ZNF697: variants seen among roughly 807,000 people sequenced by gnomAD.
ZNF697 encodes zinc finger protein 697.
A neutral mutation model predicts 32.4 loss-of-function variants in ZNF697; 23 were observed. That is an observed-to-expected ratio of 0.71 (90% CI 0.51 to 1.01). The LOEUF is 1.01. Ranked by LOEUF, ZNF697 falls within the 50% of genes least tolerant of loss-of-function variation. The pLI, the probability that ZNF697 is intolerant of heterozygous loss-of-function variation, is 0.00. For synonymous variants in ZNF697, 418 were observed against 337.2 expected (o/e 1.24, Z -2.62); for missense variants, 930 against 794.0 (o/e 1.17, Z -2.06).
intron 1 of ZNF697, among the ~76,000 whole-genome samples, chr1:119,636,137 T>A (rs908068613): frequency 1.3e-5 from 2 of 152,148 alleles, no homozygotes; most frequent in Non-Finnish European, 2.9e-5. Context: ...CTGGGTTCCT[T>A]ACCTTTAGTT....
intron 1 of ZNF697, among the ~76,000 whole-genome samples, chr1:119,639,161 A>G (rs1412918414): frequency 2.6e-5 from 4 of 152,204 alleles, no homozygotes; most frequent in Non-Finnish European, 5.9e-5. Context: ...GTTCTTACTC[A>G]GAAGCTCAAA....
intron 1 of ZNF697, among the ~76,000 whole-genome samples, chr1:119,638,563 CT>C: frequency 6.6e-6 from 1 of 152,204 alleles, no homozygotes; most frequent in Non-Finnish European, 1.5e-5. Flanking sequence ...CCTCCTCATA[CT>C]TCACTGACCA....
At chr1:119,634,249 G>C (rs1648860999) in intron 1 of ZNF697, among the ~76,000 whole-genome samples, 1 of 152,198 alleles carries the variant, frequency 6.6e-6, no homozygotes, top group South Asian at 2.1e-4. Context: ...CAAAGGACTT[G>C]AGGCACACAT....
At chr1:119,625,708 T>C (rs1341727743) in intron 2 of ZNF697, among the ~76,000 whole-genome samples, 167 bp downstream of exon 2, 1 of 152,172 alleles carries the variant, frequency 6.6e-6, no homozygotes, top group African/African-American at 2.4e-5. Context: ...AAAAAAAGGA[T>C]GGTCTTCAGG....
chr1:119,635,633 G>A (rs1205599363), intron 1 of ZNF697, among the ~76,000 whole-genome samples: 1 of 152,182 alleles, frequency 6.6e-6, no homozygotes, highest in Non-Finnish European at 1.5e-5. Context: ...GAAAGGATGT[G>A]AGTGTCCAGT....
chr1:119,640,705 A>G (rs1035815295), intron 1 of ZNF697, among the ~76,000 whole-genome samples: 2 of 152,218 alleles, frequency 1.3e-5, no homozygotes, highest in African/African-American at 4.8e-5. Flanking sequence ...CCCAAGGAAA[A>G]TTGGGACTAG....
rs587603793 is a variant in ZNF697 at position 119,622,439 on chromosome 1, A to G, written c.*266T>C. 1.6e-5 allele frequency: 8 copies of G among 505,840 alleles called. No individual in the cohort carries two copies. Among genetic ancestry groups the G allele is most frequent in the Non-Finnish European group, 1.9e-5 (6 of 317,086 alleles). The allele number at this position is 505,840 out of a possible 1,614,324, so 31.3% of individuals were successfully genotyped here. A position where few individuals can be genotyped will look rare whatever the true frequency, so the allele number is the denominator to read the frequency against. On this transcript the variant is annotated 3_prime_UTR_variant, in exon 3 of 3. Transcript: ENST00000421812. ...AAGTGCCTGGTCCTCCAAGCTCTTCACCCCCTACAGCGTGTATTTAAGGAA... is the reference window on the plus strand; with the variant it reads ...AAGTGCCTGGTCCTCCAAGCTCTTCGCCCCCTACAGCGTGTATTTAAGGAA...
chr1:119,644,001 T>C (rs1649143772), intron 1 of ZNF697, among the ~76,000 whole-genome samples: 1 of 152,256 alleles, frequency 6.6e-6, no homozygotes, highest in Non-Finnish European at 1.5e-5. Flanking sequence ...ATTTTAGTCA[T>C]TACCAATTCA....
chr1:119,637,388 G>C (rs761968254), intron 1 of ZNF697, among the ~76,000 whole-genome samples: 1 of 152,186 alleles, frequency 6.6e-6, no homozygotes, highest in African/African-American at 2.4e-5. Context: ...ATGTGGGCCC[G>C]GTGGCAGGGA....
chr1:119,636,671 C>A (rs1286401840), intron 1 of ZNF697, among the ~76,000 whole-genome samples: 1 of 152,150 alleles, frequency 6.6e-6, no homozygotes, highest in Non-Finnish European at 1.5e-5. Flanking sequence ...ATGAGTCAGG[C>A]AATGGAGACC....
rs1335734817 is a variant in ZNF697 at position 119,622,951 on chromosome 1, G to A, written c.1392C>T (p.Pro464=). Residue 464 remains proline (P), a synonymous_variant, in exon 3 of 3, where the codon CCC becomes CCT. Coordinates refer to ENST00000421812, the MANE Select transcript of ZNF697 (RefSeq NM_001080470.2). The part of the protein sequence containing the change: ...NHLRVHTGEK[P]FRCGQCEKRF... ...GCTTCTCGCACTGGCCACAGCGGAA[G>A]GGCTTCTCGCCGGTGTGCACGCGCA... 1 of 1,604,532 alleles carries A rather than the reference G, an allele frequency of 6.2e-7. No individual in the cohort carries two copies. The highest frequency in any genetic ancestry group is 8.5e-7 in the Non-Finnish European group (1 of 1,175,158).
At chr1:119,629,191 ATT>A (rs879452565) in intron 1 of ZNF697, among the ~76,000 whole-genome samples, 2 of 152,206 alleles carry the variant, frequency 1.3e-5, no homozygotes, top group African/African-American at 4.8e-5. Context: ...ATAAACAGGT[ATT>A]TTTTAATCAG....
In ZNF697 at chr1:119,623,671, G is replaced by C; in HGVS notation, c.672C>G (p.Pro224=). The change falls in exon 3 of 3, where the codon CCC becomes CCG. Residue 224 remains proline (P), a synonymous_variant. Coordinates refer to ENST00000421812, the MANE Select transcript of ZNF697 (RefSeq NM_001080470.2). ...AEAAAAASLE[P]FGLAGECDAM... is the part of the protein sequence containing the mutation. ...CGTCGCACTCGCCCGCCAGGCCGAAGGGCTCCAGGCTGGCGGCGGCAGCGG... is the reference window on the plus strand; with the variant it reads ...CGTCGCACTCGCCCGCCAGGCCGAACGGCTCCAGGCTGGCGGCGGCAGCGG... The C allele has an allele frequency of 1.4e-6, 2 of 1,463,748 alleles. No homozygotes were observed. The highest frequency in any genetic ancestry group is 2.4e-5 in the South Asian group (2 of 82,398). The allele number at this position is 1,463,748 out of a possible 1,614,324, so 90.7% of individuals were successfully genotyped here.
Position 119,648,194 on chromosome 1 carries a change from CTGGCTGGT to C in ZNF697, c.-549_-542del, listed in dbSNP as rs1326137357. 8.9e-5 allele frequency among the ~76,000 whole-genome samples: 12 copies of C among 135,184 alleles called. No homozygotes were observed. Among genetic ancestry groups the C allele is most frequent in the African/African-American group, 1.9e-4 (6 of 31,648 alleles). The allele number at this position is 135,184 out of a possible 152,430, so 88.7% of individuals were successfully genotyped here. A position where few individuals can be genotyped will look rare whatever the true frequency, so the allele number is the denominator to read the frequency against. On this transcript the variant is annotated 5_prime_UTR_variant, in exon 1 of 3. Transcript: ENST00000421812. ...CAGCGGCCGCTGGGTGGCCCGCTGGCTGGCTGGTTGGCTGGCTGGCTGGCTGGCTGGCT... is the reference window on the plus strand; with the variant it reads ...CAGCGGCCGCTGGGTGGCCCGCTGGCTGGCTGGCTGGCTGGCTGGCTGGCT...
chr1:119,643,000 A>C (rs1244297805), intron 1 of ZNF697, among the ~76,000 whole-genome samples: 1 of 152,248 alleles, frequency 6.6e-6, no homozygotes, highest in Non-Finnish European at 1.5e-5. Flanking sequence ...AACTTCATCA[A>C]GCATCAAAGA....
intron 1 of ZNF697, among the ~76,000 whole-genome samples, chr1:119,634,752 A>G (rs1156514367): frequency 6.6e-6 from 1 of 152,240 alleles, no homozygotes; most frequent in African/African-American, 2.4e-5. Context: ...CATAAACAAT[A>G]TCAACCAACC....
At chr1:119,626,475 CAAAAAG>C (rs1227154643) in intron 1 of ZNF697, among the ~76,000 whole-genome samples, 19 of 152,222 alleles carry the variant, frequency 1.2e-4, no homozygotes, top group Non-Finnish European at 4.4e-5. Flanking sequence ...ACTTGAAACT[CAAAAAG>C]AAGAGGCCAC....
rs980217912 is a variant in ZNF697 at position 119,622,659 on chromosome 1, A to AC, written c.*45dup. The AC allele has an allele frequency of 5.5e-6, 8 of 1,463,472 alleles. No homozygotes were observed. In the African/African-American group the frequency reaches 1.0e-4, roughly 18 times the overall value. 90.7% of individuals were successfully genotyped at this position (1,463,472 alleles called of 1,614,324 possible). On this transcript the variant is annotated 3_prime_UTR_variant, in exon 3 of 3. Coordinates refer to ENST00000421812, the MANE Select transcript of ZNF697 (RefSeq NM_001080470.2). ...CCCCTGGGTCAGTCCCAGGATATCT[A>AC]CCCCCCACAGGCTCCCCAGACGGCA...
intron 1 of ZNF697, among the ~76,000 whole-genome samples, chr1:119,645,669 C>T (rs1374855543): frequency 6.6e-6 from 1 of 152,008 alleles, no homozygotes; most frequent in Non-Finnish European, 1.5e-5. Flanking sequence ...GGTAGGTAGG[C>T]ACTGAATTGT....
Sources: allele counts gnomAD v4.1 joint callset (sites outside exome capture counted in the v4.1 genomes callset), GRCh38; gene constraint gnomAD v4.1.1; transcripts MANE v1.5; gene names NCBI Gene and HGNC (gene_info 2026-07-23, HGNC 2026-07-21).